MED27: variants seen among roughly 807,000 people sequenced by gnomAD.
MED27 encodes the protein mediator of RNA polymerase II transcription subunit 27.
Under a neutral mutation model 38.2 loss-of-function variants are expected in MED27, and 30 were observed. The ratio of observed to expected loss-of-function variants is 0.79; its 90% CI spans 0.59 to 1.07. MED27 has a LOEUF of 1.07. Ranked by LOEUF, MED27 falls within the 50% of genes least tolerant of loss-of-function variation. The pLI, the probability that MED27 is intolerant of heterozygous loss-of-function variation, is 0.00. For synonymous variants in MED27, 122 were observed against 153.5 expected (o/e 0.79, Z 1.52); for missense variants, 289 against 397.5 (o/e 0.73, Z 2.32).
At chr9:131,931,293 C>T (rs1342264958) in intron 4 of MED27, among the ~76,000 whole-genome samples, 1 of 151,576 alleles carries the variant, frequency 6.6e-6, no homozygotes, top group Non-Finnish European at 1.5e-5. Flanking sequence ...AATAAAACAA[C>T]AGATTATAAG....
rs1476142459 is a variant in MED27, at chr9:131,939,474, T to C, written c.480A>G (p.Gln160=). ...TGCGGCTGATCACATCATCAACATATCTACATGGGAAAAAAATAAACATGT... is the reference window on the plus strand; with the variant it reads ...TGCGGCTGATCACATCATCAACATACCTACATGGGAAAAAAATAAACATGT... The part of the protein sequence containing the change: ...AQPTTLVLPP[Q]YVDDVISRID... The change falls in exon 4 of 8, where the codon CAA becomes CAG. Residue 160 remains glutamine, a splice_region_variant and synonymous_variant. Transcript: ENST00000292035. 2 of 1,597,172 alleles carry C rather than the reference T, an allele frequency of 1.3e-6. No homozygotes were observed. The highest frequency in any genetic ancestry group is 1.7e-6 in the Non-Finnish European group (2 of 1,171,654).
At chr9:131,929,746 C>G (rs1293208842) in intron 4 of MED27, among the ~76,000 whole-genome samples, 1 of 152,172 alleles carries the variant, frequency 6.6e-6, no homozygotes, top group East Asian at 1.9e-4. Context: ...AGCTAGATTT[C>G]TAAGGTTTTT....
intron 2 of MED27, among the ~76,000 whole-genome samples, chr9:132,017,410 AT>A (rs1309645674): frequency 1.3e-5 from 2 of 152,248 alleles, no homozygotes; most frequent in Non-Finnish European, 2.9e-5. Context: ...CTATAAAAAT[AT>A]ATTTCAATAA....
At chr9:131,922,635 C>CTTTTTT (rs140015151) in intron 4 of MED27, among the ~76,000 whole-genome samples, 2 of 150,870 alleles carry the variant, frequency 1.3e-5, no homozygotes, top group Non-Finnish European at 3.0e-5. Flanking sequence ...TTATTTTTTT[C>CTTTTTT]TTTTCTTTTA....
chr9:131,894,269 T>C (rs1338351990), intron 4 of MED27, among the ~76,000 whole-genome samples: 4 of 152,272 alleles, frequency 2.6e-5, no homozygotes, highest in African/African-American at 9.6e-5. Flanking sequence ...GTTTACTATC[T>C]GCTGGAAAAA....
intron 4 of MED27, among the ~76,000 whole-genome samples, chr9:131,894,535 C>G (rs1829794261): frequency 6.6e-6 from 1 of 151,892 alleles, no homozygotes; most frequent in South Asian, 2.1e-4. Flanking sequence ...AGGAAAGTAG[C>G]TGAATTTTAT....
chr9:131,918,900 G>A (rs56046092), intron 4 of MED27, among the ~76,000 whole-genome samples: 41,225 of 152,062 alleles, frequency 0.27, 5,781 homozygotes, highest in East Asian at 0.39. Flanking sequence ...TATGACCAGC[G>A]TCCTTAACCT....
intron 4 of MED27, among the ~76,000 whole-genome samples, chr9:131,932,184 C>T (rs756257936): frequency 6.6e-5 from 10 of 151,718 alleles, no homozygotes; most frequent in Non-Finnish European, 1.2e-4. Context: ...TCTTCTCTGA[C>T]CACACTGGAA....
intron 2 of MED27, among the ~76,000 whole-genome samples, chr9:132,056,482 C>T (rs1306525391): frequency 6.6e-6 from 1 of 152,156 alleles, no homozygotes; most frequent in Non-Finnish European, 1.5e-5. Context: ...TCTCAAAATC[C>T]AAAATCCCAA....
At chr9:132,059,944 C>A (rs1310793571) in intron 2 of MED27, among the ~76,000 whole-genome samples, 1 of 152,078 alleles carries the variant, frequency 6.6e-6, no homozygotes, top group Non-Finnish European at 1.5e-5. Flanking sequence ...TGAGTCTTCA[C>A]AGACATCCTA....
chr9:131,937,707 A>AT (rs1416748490), intron 4 of MED27, among the ~76,000 whole-genome samples: 3 of 152,100 alleles, frequency 2.0e-5, no homozygotes, highest in African/African-American at 7.2e-5. Context: ...GGATGCATTC[A>AT]TTTTTATCTT....
chr9:131,877,188 C>T lies in MED27; in HGVS notation c.723+6870G>A, dbSNP rs1269039215. Among the ~76,000 whole-genome samples, 4 of 152,324 alleles carry T rather than the reference C, an allele frequency of 2.6e-5. 1 individual carries two copies. The South Asian group carries it at 8.3e-4, about 32-fold the overall frequency. On this transcript the variant is annotated intron_variant, in intron 6 of 7. Coordinates refer to ENST00000292035, the MANE Select transcript of MED27 (RefSeq NM_004269.4). ...AGAACTTTTGTCACAACCATGGCCT[C>T]TTCCAGGCCTTCATCTGTGGCATTT...
At chr9:132,073,255 A>C (rs1833980444) in intron 2 of MED27, 1 of 908,736 alleles carries the variant, frequency 1.1e-6, no homozygotes, top group Non-Finnish European at 1.3e-6. Flanking sequence ...TGGCTTTCTC[A>C]GTAATGGCTG....
At chr9:131,983,054 C>T (rs1286088261) in intron 3 of MED27, among the ~76,000 whole-genome samples, 1 of 152,214 alleles carries the variant, frequency 6.6e-6, no homozygotes, top group East Asian at 1.9e-4. Context: ...ACAGACCACA[C>T]TTTCTGACTC....
intron 3 of MED27, among the ~76,000 whole-genome samples, chr9:131,951,271 C>T (rs1220864486): frequency 6.6e-6 from 1 of 152,222 alleles, no homozygotes; most frequent in Non-Finnish European, 1.5e-5. Flanking sequence ...TATCCTTGCC[C>T]TGTCCTTCAT....
intron 4 of MED27, among the ~76,000 whole-genome samples, chr9:131,935,518 A>G (rs1486874703): frequency 6.6e-6 from 1 of 152,232 alleles, no homozygotes; most frequent in Non-Finnish European, 1.5e-5. Context: ...TGGACATTAG[A>G]CGACAATGAT....
chr9:131,864,284 C>G (rs948971462), intron 6 of MED27, among the ~76,000 whole-genome samples: 10 of 152,060 alleles, frequency 6.6e-5, no homozygotes, highest in Non-Finnish European at 1.0e-4. Context: ...GAGTTCAAGA[C>G]CAGCCTGGAC....
At position 131,862,989 on chromosome 9, in the gene MED27, C is replaced by G; in HGVS notation, c.801+74G>C. 1.2e-5 allele frequency: 16 copies of G among 1,327,490 alleles called. No homozygotes were observed. Among genetic ancestry groups the G allele is most frequent in the Non-Finnish European group, 1.1e-6 (1 of 930,210 alleles). 82.2% of individuals were successfully genotyped at this position (1,327,490 alleles called of 1,614,324 possible). A position where few individuals can be genotyped will look rare whatever the true frequency, so the allele number is the denominator to read the frequency against. ...TCAAAGTCTGAAGATGCAACGGCTGCCCTTCAAGCTCCCTGTTCTCACTTG... is the reference window on the plus strand; with the variant it reads ...TCAAAGTCTGAAGATGCAACGGCTGGCCTTCAAGCTCCCTGTTCTCACTTG... On this transcript the variant is annotated intron_variant, in intron 7 of 7. Coordinates refer to ENST00000292035, the MANE Select transcript of MED27 (RefSeq NM_004269.4). This position sits in a 1 kb window ranked among gnomAD's most constrained non-coding sequence, Gnocchi z 4.6.
chr9:131,869,217 A>C, intron 6 of MED27: 1 of 985,322 alleles, frequency 1.0e-6, no homozygotes, highest in Non-Finnish European at 1.2e-6. Flanking sequence ...CAAGTCCTCC[A>C]CTGCTGGTTT....
Sources: allele counts gnomAD v4.1 joint callset (sites outside exome capture counted in the v4.1 genomes callset), GRCh38; gene constraint gnomAD v4.1.1; non-coding constraint Gnocchi (gnomAD v3.1); transcripts MANE v1.5; gene names NCBI Gene and HGNC (gene_info 2026-07-23, HGNC 2026-07-21).